Variants in SLC30A8 observed in about 807,000 individuals in gnomAD.
SLC30A8 encodes solute carrier family 30 member 8.
In SLC30A8, 27 loss-of-function variants were observed where a neutral mutation model predicts 36.9. The observed-to-expected ratio is 0.73, with a 90% CI of 0.54 to 1.01. The LOEUF (loss-of-function observed/expected upper bound fraction) is 1.01. SLC30A8 is among the 50% of genes least tolerant of loss of function. The pLI is 0.00. For missense variants in SLC30A8, 439 were observed against 452.0 expected (o/e 0.97, Z 0.26); for synonymous variants, 164 against 172.4 (o/e 0.95, Z 0.38).
intron 1 of SLC30A8, among the ~76,000 whole-genome samples, chr8:116,974,194 CT>C (rs1230050722): frequency 6.6e-6 from 1 of 152,150 alleles, no homozygotes; most frequent in Non-Finnish European, 1.5e-5. Context: ...CAAATGGGAT[CT>C]AATTAAACTA....
At chr8:117,146,188 A>T (rs1287169546) in intron 1 of SLC30A8, among the ~76,000 whole-genome samples, 1 of 152,176 alleles carries the variant, frequency 6.6e-6, no homozygotes, top group Non-Finnish European at 1.5e-5. Flanking sequence ...TACTGATTTG[A>T]TCTTTAAAAA....
chr8:117,111,720 G>T (rs1820235722), intron 2 of SLC30A8, among the ~76,000 whole-genome samples: 1 of 152,126 alleles, frequency 6.6e-6, no homozygotes, highest in African/African-American at 2.4e-5. Context: ...CCATCTTGCT[G>T]CCCCAAAGGG....
At chr8:117,141,345 GT>G in intron 1 of SLC30A8, among the ~76,000 whole-genome samples, 1 of 152,218 alleles carries the variant, frequency 6.6e-6, no homozygotes, top group South Asian at 2.1e-4. Context: ...ATTTATCCCA[GT>G]AATGCAAGCT....
intron 4 of SLC30A8, among the ~76,000 whole-genome samples, chr8:117,161,194 C>G (rs190123935): frequency 1.1e-4 from 17 of 152,304 alleles, no homozygotes; most frequent in African/African-American, 3.6e-4. Flanking sequence ...GCACAATATT[C>G]TCATCATTGG....
chr8:117,050,075 G>A (rs558770902), intron 2 of SLC30A8, among the ~76,000 whole-genome samples: 49 of 152,152 alleles, frequency 3.2e-4, no homozygotes, highest in Non-Finnish European at 6.2e-4. Context: ...CCCTTGGAAG[G>A]CAACAGCATG....
intron 2 of SLC30A8, among the ~76,000 whole-genome samples, 191 bp downstream of exon 2, chr8:117,147,344 G>A (rs1821946123): frequency 6.6e-6 from 1 of 152,144 alleles, no homozygotes; most frequent in Non-Finnish European, 1.5e-5. Flanking sequence ...CCATATTTGA[G>A]CTATAGCCTT....
chr8:116,999,218 C>T (rs915143310), intron 1 of SLC30A8, among the ~76,000 whole-genome samples: 2 of 152,166 alleles, frequency 1.3e-5, no homozygotes, highest in African/African-American at 4.8e-5. Flanking sequence ...GAGATCATGC[C>T]ATTGCGCTCC....
At chr8:117,024,148 A>T (rs1487333046) in intron 1 of SLC30A8, among the ~76,000 whole-genome samples, 1 of 152,220 alleles carries the variant, frequency 6.6e-6, no homozygotes, top group Non-Finnish European at 1.5e-5. Flanking sequence ...TGTTTATCTG[A>T]TAAAACTACC....
intron 1 of SLC30A8, among the ~76,000 whole-genome samples, chr8:117,001,506 G>A (rs2130686168): frequency 6.6e-6 from 1 of 152,198 alleles, no homozygotes; most frequent in Non-Finnish European, 1.5e-5. Flanking sequence ...GTGACTGAAA[G>A]CATCCTGATA....
At chr8:117,123,781 C>A in intron 2 of SLC30A8, among the ~76,000 whole-genome samples, 1 of 151,954 alleles carries the variant, frequency 6.6e-6, no homozygotes, top group East Asian at 1.9e-4. Context: ...TTAAGATCTG[C>A]TGTACAACAT....
intron 5 of SLC30A8, among the ~76,000 whole-genome samples, chr8:117,162,123 A>G (rs1263535849): frequency 1.3e-5 from 2 of 152,238 alleles, no homozygotes; most frequent in Non-Finnish European, 2.9e-5. Flanking sequence ...GGCTCACTTT[A>G]GCAAAAAGTA....
intron 1 of SLC30A8, among the ~76,000 whole-genome samples, chr8:116,974,654 A>G (rs1814916894): frequency 6.6e-6 from 1 of 152,188 alleles, no homozygotes; most frequent in Non-Finnish European, 1.5e-5. Flanking sequence ...CTAGAACTAG[A>G]AATACCATTT....
intron 1 of SLC30A8, among the ~76,000 whole-genome samples, chr8:116,964,340 A>G (rs1165625795): frequency 1.3e-5 from 2 of 152,268 alleles, no homozygotes; most frequent in Non-Finnish European, 2.9e-5. Context: ...AATTTAAAGC[A>G]GAAGCAAAAG....
At chr8:117,031,565 A>G (rs914137646) in intron 1 of SLC30A8, among the ~76,000 whole-genome samples, 2 of 151,058 alleles carry the variant, frequency 1.3e-5, no homozygotes, top group African/African-American at 4.9e-5. Context: ...GGTTCAAGCG[A>G]TTCTCCCGCC....
intron 2 of SLC30A8, among the ~76,000 whole-genome samples, chr8:117,061,831 A>G (rs1818031541): frequency 6.6e-6 from 1 of 152,218 alleles, no homozygotes; most frequent in Admixed American, 6.5e-5. Flanking sequence ...GCTGAGCAGG[A>G]AATCATGTGA....
chr8:117,156,056 T>TG (rs1379705978), intron 3 of SLC30A8, among the ~76,000 whole-genome samples: 1 of 152,054 alleles, frequency 6.6e-6, no homozygotes, highest in Non-Finnish European at 1.5e-5. Flanking sequence ...TTTTTTTTTT[T>TG]TGAGACAGAG....
chr8:117,123,098 T>G (rs1284752484), intron 2 of SLC30A8, among the ~76,000 whole-genome samples: 1 of 152,004 alleles, frequency 6.6e-6, no homozygotes, highest in Non-Finnish European at 1.5e-5. Flanking sequence ...CTCCGTCTTC[T>G]GTCTCACCTT....
intron 1 of SLC30A8, among the ~76,000 whole-genome samples, chr8:117,138,081 GAAAA>G (rs1306387008): frequency 3.3e-5 from 4 of 122,560 alleles, no homozygotes; most frequent in Admixed American, 8.2e-5. Context: ...AAAAAAAAAA[GAAAA>G]AGAAAAAAAA....
chr8:117,160,927 G>T (rs1822759086), intron 4 of SLC30A8, among the ~76,000 whole-genome samples: 1 of 152,144 alleles, frequency 6.6e-6, no homozygotes, highest in Admixed American at 6.5e-5. Flanking sequence ...AAAATGTTTA[G>T]AAAAAGTTCA....
Sources: gnomAD v4.1 joint callset for allele counts (sites outside exome capture counted in the v4.1 genomes callset) on GRCh38, gnomAD v4.1.1 for gene constraint, MANE v1.5 for transcripts, NCBI Gene and HGNC (gene_info 2026-07-23, HGNC 2026-07-21) for gene names.